Variants in SHANK2 observed in about 807,000 individuals in gnomAD.
SHANK2 encodes the protein SH3 and multiple ankyrin repeat domains 2.
In SHANK2, 43 loss-of-function variants were observed where a neutral mutation model predicts 133.7. The observed-to-expected ratio is 0.32, with a 90% CI of 0.25 to 0.41. SHANK2 has a LOEUF of 0.41. Among genes scored for constraint, SHANK2 ranks in the 10% least tolerant of loss-of-function variants. The pLI, the probability that SHANK2 is intolerant of heterozygous loss-of-function variation, is 1.00. For missense variants in SHANK2, 1,994 were observed against 2,235.8 expected, an observed-to-expected ratio of 0.89 and a Z score of 2.18; for synonymous variants, 1,017 against 952.8, an observed-to-expected ratio of 1.07 and a Z score of -1.24.
intron 2 of SHANK2, among the ~76,000 whole-genome samples, chr11:71,217,087 C>T (rs1335611151): frequency 6.6e-6 from 1 of 152,026 alleles, no homozygotes; most frequent in Non-Finnish European, 1.5e-5. Context: ...GTCCCAGCTA[C>T]TTGGGAGGCT....
intron 2 of SHANK2, among the ~76,000 whole-genome samples, chr11:71,187,660 C>A (rs1176854471): frequency 6.6e-6 from 1 of 152,066 alleles, no homozygotes. Context: ...ATGTACAGAC[C>A]CAGGCAGAAG....
chr11:70,515,754 G>A (rs1228111073), intron 17 of SHANK2, among the ~76,000 whole-genome samples: 2 of 151,782 alleles, frequency 1.3e-5, no homozygotes, highest in Non-Finnish European at 2.9e-5. Context: ...TGAGGCTGCA[G>A]CAAGTCCTGA....
chr11:71,074,045 G>A (rs1161955153), intron 9 of SHANK2, among the ~76,000 whole-genome samples: 7 of 152,160 alleles, frequency 4.6e-5, no homozygotes, highest in Non-Finnish European at 7.4e-5. Context: ...CCTGAGTCTT[G>A]AGCCCAGTTC....
intron 14 of SHANK2, among the ~76,000 whole-genome samples, chr11:70,744,766 C>T (rs552835340): frequency 1.4e-4 from 22 of 152,310 alleles, no homozygotes; most frequent in African/African-American, 5.1e-4. Context: ...CTGTGGGAGC[C>T]CTGGCTGGGC....
intron 11 of SHANK2, among the ~76,000 whole-genome samples, chr11:70,839,031 G>C (rs1565352714): frequency 6.6e-6 from 1 of 152,180 alleles, no homozygotes; most frequent in African/African-American, 2.4e-5. Flanking sequence ...TATAGAATTT[G>C]TCCCGCGTTT....
At chr11:70,782,848 T>C (rs1476884332) in intron 14 of SHANK2, among the ~76,000 whole-genome samples, 2 of 152,076 alleles carry the variant, frequency 1.3e-5, no homozygotes, top group Admixed American at 6.6e-5. Flanking sequence ...ACGCAGCACG[T>C]CCGCAGCGGA....
chr11:70,769,749 T>A (rs1947206870), intron 14 of SHANK2, among the ~76,000 whole-genome samples: 1 of 60,614 alleles, frequency 1.6e-5, no homozygotes, highest in Admixed American at 1.7e-4. Context: ...TAGGCATGTG[T>A]GTATGTTCTA....
At chr11:70,632,174 T>A (rs982018041) in intron 17 of SHANK2, among the ~76,000 whole-genome samples, 4 of 152,280 alleles carry the variant, frequency 2.6e-5, no homozygotes, top group Middle Eastern at 3.4e-3. Context: ...CAGGCTGGAG[T>A]GCAGTGGCGC....
chr11:70,648,054 T>C (rs1189049532), intron 17 of SHANK2, among the ~76,000 whole-genome samples: 14 of 152,268 alleles, frequency 9.2e-5, no homozygotes, highest in African/African-American at 3.1e-4. Context: ...TCTAACCACA[T>C]GGTGGAACGT....
chr11:71,243,204 TAATA>T (rs1772131518), intron 1 of SHANK2, among the ~76,000 whole-genome samples: 1 of 151,948 alleles, frequency 6.6e-6, no homozygotes, highest in South Asian at 2.1e-4. Flanking sequence ...AGGAAGGAAA[TAATA>T]AAGGTTAGGG....
At position 70,500,591 on chromosome 11, in the gene SHANK2, CTTGCAA is replaced by C; in HGVS notation, c.2288-7_2288-2del. The C allele has an allele frequency of 6.2e-7, 1 of 1,602,218 alleles. No individual in the cohort carries two copies. The highest frequency in any genetic ancestry group is 1.1e-5 in the South Asian group (1 of 88,782). ...TTACCCTTCTTCTTCCGGACCGAGG[CTTGCAA>C]ACAGAAAGGGGACCGCCATGAGCCA... On this transcript the variant is annotated splice_acceptor_variant and splice_polypyrimidine_tract_variant and intron_variant, in intron 20 of 25. Transcript: ENST00000601538. LOFTEE classifies it high-confidence loss of function. This position sits in a 1 kb window ranked among gnomAD's most constrained non-coding sequence, Gnocchi z 4.5.
At position 70,535,170 on chromosome 11, in the gene SHANK2, C is replaced by T. The variant is rs559600209; in HGVS notation, c.2062-32239G>A. Among the ~76,000 whole-genome samples, 2 of 152,290 alleles carry T rather than the reference C, an allele frequency of 1.3e-5. No individual in the cohort carries two copies. The highest frequency in any genetic ancestry group is 4.2e-4 in the South Asian group (2 of 4,818). On this transcript the variant is annotated intron_variant, in intron 17 of 25. Coordinates refer to ENST00000601538, the MANE Select transcript of SHANK2 (RefSeq NM_012309.5). The surrounding 1 kb of genome is among the most constrained non-coding windows in gnomAD (Gnocchi z 4.3). ...CCCACGAACACCTTCCTCCCTCCCA[C>T]CCTCTATTATCCATTTTCCATCCAT...
At chr11:70,733,365 C>T (rs1555032727) in intron 14 of SHANK2, among the ~76,000 whole-genome samples, 1 of 152,220 alleles carries the variant, frequency 6.6e-6, no homozygotes, top group Non-Finnish European at 1.5e-5. Flanking sequence ...CAGAATGTCT[C>T]ATTCAATGCA....
chr11:71,135,686 C>T (rs1420329930), intron 3 of SHANK2, among the ~76,000 whole-genome samples: 3 of 152,050 alleles, frequency 2.0e-5, no homozygotes, highest in Non-Finnish European at 4.4e-5. Context: ...GGACTCCTGA[C>T]CTCAGGTGAT....
intron 11 of SHANK2, among the ~76,000 whole-genome samples, chr11:70,871,480 C>G (rs1161088922): frequency 6.6e-6 from 1 of 152,242 alleles, no homozygotes; most frequent in East Asian, 1.9e-4. Flanking sequence ...ACTGAGCCTC[C>G]TTCACGTGCT....
intron 11 of SHANK2, among the ~76,000 whole-genome samples, chr11:70,879,399 C>T (rs1031501329): frequency 1.3e-5 from 2 of 152,214 alleles, no homozygotes; most frequent in African/African-American, 2.4e-5. Context: ...AAAGGACTCT[C>T]GATTCTCTGT....
At chr11:70,886,621 A>G (rs1303676243) in intron 11 of SHANK2, among the ~76,000 whole-genome samples, 6 of 152,172 alleles carry the variant, frequency 3.9e-5, no homozygotes, top group African/African-American at 7.2e-5. Flanking sequence ...GGTAGTATCT[A>G]GCAAACAGGT....
At chr11:70,718,813 G>T (rs1297976894) in intron 14 of SHANK2, among the ~76,000 whole-genome samples, 1 of 151,288 alleles carries the variant, frequency 6.6e-6, no homozygotes, top group Admixed American at 6.6e-5. Context: ...AGAAGGGGTT[G>T]GGGATACTCA....
intron 10 of SHANK2, chr11:70,943,882 T>C (rs1565420078): frequency 2.2e-6 from 1 of 455,864 alleles, no homozygotes; most frequent in African/African-American, 2.0e-5. Context: ...GCTTGCTGCC[T>C]ATTTGTAAAT....
Sources: allele counts gnomAD v4.1 joint callset (sites outside exome capture counted in the v4.1 genomes callset), GRCh38; gene constraint gnomAD v4.1.1; non-coding constraint Gnocchi (gnomAD v3.1); transcripts MANE v1.5; gene names NCBI Gene and HGNC (gene_info 2026-07-23, HGNC 2026-07-21).